The following DDX6 variants were observed in gnomAD, a reference collection of about 807,000 sequenced individuals.
DDX6 encodes probable ATP-dependent RNA helicase DDX6.
DDX6 carries 7 observed loss-of-function variants against 60.6 expected under a neutral mutation model. That is an observed-to-expected ratio of 0.12 (90% CI 0.07 to 0.22). The LOEUF is 0.22. Ranked by LOEUF, DDX6 falls within the 10% of genes least tolerant of loss-of-function variation. The pLI is 1.00. For synonymous variants in DDX6, 207 were observed against 201.0 expected (o/e 1.03, Z -0.25); for missense variants, 270 against 589.9 (o/e 0.46, Z 5.62).
intron 1 of DDX6, chr11:118,787,352 T>G (rs1167617746): frequency 1.3e-5 from 2 of 152,174 alleles, no homozygotes; most frequent in African/African-American, 4.8e-5. Flanking sequence ...CGCCTGTAAT[T>G]CCAGCTACTT....
intron 7 of DDX6, among the ~76,000 whole-genome samples, chr11:118,761,874 A>C (rs1481753416): frequency 6.6e-6 from 1 of 151,792 alleles, no homozygotes; most frequent in African/African-American, 2.4e-5. Flanking sequence ...AAAAAAAAAA[A>C]AAAACAAACC....
At chr11:118,769,764 G>C (rs1861474862) in intron 4 of DDX6, among the ~76,000 whole-genome samples, 1 of 152,158 alleles carries the variant, frequency 6.6e-6, no homozygotes, top group Non-Finnish European at 1.5e-5. Context: ...GAGTGCAGTG[G>C]CACAATCTCG....
intron 4 of DDX6, among the ~76,000 whole-genome samples, chr11:118,775,626 T>G (rs1555163465): frequency 6.6e-6 from 1 of 152,172 alleles, no homozygotes; most frequent in East Asian, 1.9e-4. Context: ...TCAAAATACT[T>G]TGGTTGTACA....
intron 5 of DDX6, 102 bp from the exon 6 acceptor site, chr11:118,765,457 G>T: frequency 2.5e-6 from 3 of 1,200,790 alleles, no homozygotes; most frequent in East Asian, 2.3e-5. Context: ...GAAATACTGC[G>T]CCTTATGATG....
chr11:118,758,939 T>G (rs140843225), intron 8 of DDX6, 37 bp from the exon 9 acceptor site: 5 of 1,610,858 alleles, frequency 3.1e-6, no homozygotes, highest in Non-Finnish European at 4.2e-6. Flanking sequence ...GTCGTCGTCT[T>G]AAATGAAAGC....
At chr11:118,763,562 A>G (rs1172824229) in intron 6 of DDX6, among the ~76,000 whole-genome samples, 1 of 152,138 alleles carries the variant, frequency 6.6e-6, no homozygotes, top group Non-Finnish European at 1.5e-5. Flanking sequence ...GGCCGGGTGC[A>G]GTAGCTCATC....
intron 3 of DDX6, among the ~76,000 whole-genome samples, chr11:118,780,164 T>C (rs1218613335): frequency 1.3e-5 from 2 of 150,002 alleles, no homozygotes; most frequent in Non-Finnish European, 3.0e-5. Flanking sequence ...TCTCTGACTT[T>C]AGTACTTTAC....
chr11:118,782,449 G>T (rs914921384), intron 2 of DDX6, among the ~76,000 whole-genome samples: 1 of 149,986 alleles, frequency 6.7e-6, no homozygotes, highest in African/African-American at 2.4e-5. Flanking sequence ...TGCAGACAAA[G>T]TATTTAACTG....
chr11:118,782,071 G>C (rs1303740405), intron 2 of DDX6, among the ~76,000 whole-genome samples: 3 of 152,164 alleles, frequency 2.0e-5, no homozygotes, highest in Non-Finnish European at 4.4e-5. Flanking sequence ...AAATTAGCCA[G>C]CCATGGTGGC....
intron 13 of DDX6, 22 bp from the exon 14 acceptor site, chr11:118,752,119 A>T (rs1860795828): frequency 4.6e-6 from 1 of 215,884 alleles, no homozygotes; most frequent in Non-Finnish European, 9.6e-6. Context: ...GAGAATACAA[A>T]ATTAACATTC....
At chr11:118,753,560 G>A (rs538171166) in intron 13 of DDX6, among the ~76,000 whole-genome samples, 1 of 146,288 alleles carries the variant, frequency 6.8e-6, no homozygotes, top group South Asian at 2.2e-4. Context: ...GGATGGTCTC[G>A]ATCTCTTGAC....
chr11:118,762,273 C>A (rs1203852482), intron 7 of DDX6, among the ~76,000 whole-genome samples: 119 of 131,832 alleles, frequency 9.0e-4, no homozygotes, highest in Non-Finnish European at 8.8e-4. Context: ...GAGTCTGTCT[C>A]AAAAAAAAAA....
rs1231809997 is a variant in DDX6 at position 118,751,315 on chromosome 11, C to A, written c.*790G>T. 1 of 151,402 alleles carries A rather than the reference C, an allele frequency of 6.6e-6. No individual in the cohort carries two copies. Among genetic ancestry groups the A allele is most frequent in the Admixed American group, 6.6e-5 (1 of 15,166 alleles). 9.4% of individuals were successfully genotyped at this position (151,402 alleles called of 1,614,324 possible). Reference sequence around the variant, plus strand: ...GATAGACTGCTCTTTCCTTTGGGAGCGATGATGTTTTTTATCTACTCAGCC... The same window carrying A: ...GATAGACTGCTCTTTCCTTTGGGAGAGATGATGTTTTTTATCTACTCAGCC... On this transcript the variant is annotated 3_prime_UTR_variant, in exon 14 of 14. Coordinates refer to ENST00000534980, the MANE Select transcript of DDX6 (RefSeq NM_004397.6).
At chr11:118,773,438 G>A (rs1555162982) in intron 4 of DDX6, among the ~76,000 whole-genome samples, 1 of 152,122 alleles carries the variant, frequency 6.6e-6, no homozygotes. Flanking sequence ...CGGGCGTGGT[G>A]GCAGGCGCCT....
Position 118,752,045 on chromosome 11 carries a change from C to A in DDX6, c.*60G>T. 1 of 244,934 alleles carries A rather than the reference C, an allele frequency of 4.1e-6. No individual in the cohort carries two copies. The highest frequency in any genetic ancestry group is 5.7e-5 in the Admixed American group (1 of 17,502). The allele number at this position is 244,934 out of a possible 1,614,324, so 15.2% of individuals were successfully genotyped here. ...AAACCCACAAAGAGAGGAGCATTCC[C>A]CCCAAAACGATGTGTCACAGATCCA... On this transcript the variant is annotated 3_prime_UTR_variant, in exon 14 of 14. Coordinates refer to ENST00000534980, the MANE Select transcript of DDX6 (RefSeq NM_004397.6).
Position 118,755,427 on chromosome 11 carries a change from G to C in DDX6, c.1251C>G (p.Thr417=). 6.2e-6 allele frequency: 10 copies of C among 1,608,856 alleles called. No homozygotes were observed. The highest frequency in any genetic ancestry group is 8.5e-6 in the Non-Finnish European group (10 of 1,175,914). Residue 417 remains threonine, a synonymous_variant, in exon 12 of 14, where the codon ACC becomes ACG. Coordinates refer to ENST00000534980, the MANE Select transcript of DDX6 (RefSeq NM_004397.6). ...CTGATCTTCCAATACGATGGAGATAGGTCTCTGCCAGCTTTGGGAAATCAA... is the reference window on the plus strand; with the variant it reads ...CTGATCTTCCAATACGATGGAGATACGTCTCTGCCAGCTTTGGGAAATCAA... ...INFDFPKLAE[T]YLHRIGRSGR... is the part of the protein sequence containing the mutation.
chr11:118,754,124 C>G (rs1280759681), intron 13 of DDX6, among the ~76,000 whole-genome samples: 1 of 152,008 alleles, frequency 6.6e-6, no homozygotes, highest in East Asian at 1.9e-4. Flanking sequence ...ATCCCCCCTA[C>G]AAAACTGTCA....
At chr11:118,784,939 T>A (rs1042983304) in intron 2 of DDX6, among the ~76,000 whole-genome samples, 1 of 152,040 alleles carries the variant, frequency 6.6e-6, no homozygotes, top group African/African-American at 2.4e-5. Context: ...AGAGACGGGG[T>A]TTATTTTTAG....
rs560013949 is a variant in DDX6 at position 118,751,559 on chromosome 11, G to GA, written c.*545dup. On this transcript the variant is annotated 3_prime_UTR_variant, in exon 14 of 14. Coordinates refer to ENST00000534980, the MANE Select transcript of DDX6 (RefSeq NM_004397.6). Reference sequence around the variant, plus strand: ...AAGAAGACATTTTTTAAAAGAAAAAGAAAAAAAAACGGAAAGAAAGAGTTA... The same window carrying GA: ...AAGAAGACATTTTTTAAAAGAAAAAGAAAAAAAAAACGGAAAGAAAGAGTTA... The GA allele has an allele frequency of 1.3e-3, 198 of 150,692 alleles. 3 individuals are homozygous for GA. The highest frequency in any genetic ancestry group is 2.1e-3 in the South Asian group (10 of 4,788). The allele number at this position is 150,692 out of a possible 1,614,324, so 9.3% of individuals were successfully genotyped here.
Sources: allele counts gnomAD v4.1 joint callset (sites outside exome capture counted in the v4.1 genomes callset), GRCh38; gene constraint gnomAD v4.1.1; transcripts MANE v1.5; gene names NCBI Gene and HGNC (gene_info 2026-07-23, HGNC 2026-07-21).